Variants in CELSR1 observed in about 807,000 individuals in gnomAD.
CELSR1 encodes adhesion G protein-coupled receptor C1.
In CELSR1, 110 loss-of-function variants were observed where a neutral mutation model predicts 249.1. That is an observed-to-expected ratio of 0.44 (90% confidence interval 0.38 to 0.52). The LOEUF is 0.52. Among genes scored for constraint, CELSR1 ranks in the 20% least tolerant of loss-of-function variants. The pLI is 0.00. For synonymous variants in CELSR1, 2,113 were observed against 1,900.0 expected (o/e 1.11, Z -2.92); for missense variants, 4,109 against 4,296.4 (o/e 0.96, Z 1.22).
At chr22:46,467,176 A>C (rs1248263412) in intron 1 of CELSR1, among the ~76,000 whole-genome samples, 6 of 152,258 alleles carry the variant, frequency 3.9e-5, no homozygotes, top group Non-Finnish European at 8.8e-5. Context: ...GTAAGTTAAC[A>C]TAGTTTTGTC....
At chr22:46,416,100 T>TTCGCGG (rs148248242) in intron 5 of CELSR1, among the ~76,000 whole-genome samples, 3 of 129,660 alleles carry the variant, frequency 2.3e-5, no homozygotes, top group African/African-American at 3.0e-5. Context: ...TGGTACAGGT[T>TTCGCGG]GCAGAGGGGG....
At chr22:46,435,823 C>A (rs1281656141) in intron 4 of CELSR1, among the ~76,000 whole-genome samples, 1 of 152,196 alleles carries the variant, frequency 6.6e-6, no homozygotes. Flanking sequence ...GCCTCAGCCT[C>A]CTGAGTAGCG....
intron 25 of CELSR1, among the ~76,000 whole-genome samples, chr22:46,371,664 C>T (rs963383289): frequency 6.6e-6 from 1 of 151,600 alleles, no homozygotes; most frequent in African/African-American, 2.4e-5. Context: ...CTCATCTCTC[C>T]ATCCCTCCAA....
chr22:46,501,452 C>T lies in CELSR1; in HGVS notation c.3544+32175G>A, dbSNP rs1018129165. Among the ~76,000 whole-genome samples, 48 of 152,036 alleles carry T rather than the reference C, an allele frequency of 3.2e-4. 1 individual carries two copies. The highest frequency in any genetic ancestry group is 5.9e-5 in the Non-Finnish European group (4 of 68,012). ...AATTCCTGACCTCAGGTGATCCACC[C>T]GCCTCGACCTCCCAGAGTGCTGGTA... On this transcript the variant is annotated intron_variant, in intron 1 of 34. Coordinates refer to ENST00000674500, the MANE Select transcript of CELSR1 (RefSeq NM_001378328.1).
chr22:46,394,296 T>C, intron 13 of CELSR1, 34 bp from the exon 14 acceptor site: 1 of 1,598,200 alleles, frequency 6.3e-7, no homozygotes, highest in Non-Finnish European at 8.5e-7. Context: ...CTGGAAGGTT[T>C]ATGTAACTGT....
intron 1 of CELSR1, among the ~76,000 whole-genome samples, chr22:46,493,383 T>C (rs542297841): frequency 8.5e-4 from 129 of 151,900 alleles, no homozygotes; most frequent in African/African-American, 3.1e-3. Context: ...CCATCTCTAC[T>C]AAAAATACAA....
In CELSR1 at chr22:46,441,046, G is replaced by C. The variant is rs142108229; in HGVS notation, c.4184-1635C>G. Among the ~76,000 whole-genome samples, 1 of 151,836 alleles carries C rather than the reference G, an allele frequency of 6.6e-6. No individual in the cohort carries two copies. The highest frequency in any genetic ancestry group is 1.5e-5 in the Non-Finnish European group (1 of 67,988). On this transcript the variant is annotated intron_variant, in intron 2 of 34. Coordinates refer to ENST00000674500, the MANE Select transcript of CELSR1 (RefSeq NM_001378328.1). The surrounding 1 kb of genome is among the most constrained non-coding windows in gnomAD (Gnocchi z 6.1). ...CGGGTGCCTGTAATCCCATCTACTC[G>C]GGAGGCTGAGGCAGGAGAACTGCTT...
intron 20 of CELSR1, among the ~76,000 whole-genome samples, chr22:46,383,511 C>T (rs2079000885): frequency 6.6e-6 from 1 of 152,106 alleles, no homozygotes; most frequent in Admixed American, 6.6e-5. Flanking sequence ...TTCTAAAATG[C>T]CTATTTCTAT....
intron 1 of CELSR1, among the ~76,000 whole-genome samples, chr22:46,511,734 G>C (rs2080575934): frequency 6.6e-6 from 1 of 152,216 alleles, no homozygotes; most frequent in Non-Finnish European, 1.5e-5. Flanking sequence ...CAGTGGGGAA[G>C]GCAGGGAGAG....
rs41279819 is a variant in CELSR1 at position 46,464,532 on chromosome 22, C to T, written c.3545-187G>A. On this transcript the variant is annotated intron_variant, in intron 1 of 34. Transcript: ENST00000674500. The surrounding 1 kb of genome is among the most constrained non-coding windows in gnomAD (Gnocchi z 8.5). ...CTCCTTCAGCACCCTGGCCCCTGCC[C>T]CCCATGACCACCACCTTGACCCTCC... Among the ~76,000 whole-genome samples the T allele has an allele frequency of 4.0e-5, 6 of 150,854 alleles. No homozygotes were observed. Among genetic ancestry groups the T allele is most frequent in the Non-Finnish European group, 7.4e-5 (5 of 67,574 alleles).
chr22:46,365,462 C>T (rs2078758424), intron 31 of CELSR1, 82 bp from the exon 32 acceptor site: 1 of 1,574,000 alleles, frequency 6.4e-7, no homozygotes. Context: ...GCCACTGGGC[C>T]CCTGGCATGC....
chr22:46,458,693 C>T (rs1396865500), intron 2 of CELSR1, among the ~76,000 whole-genome samples: 1 of 152,184 alleles, frequency 6.6e-6, no homozygotes, highest in East Asian at 1.9e-4. Flanking sequence ...CTGTGAGACT[C>T]ACCTCTCACA....
At chr22:46,444,066 A>G (rs2079788166) in intron 2 of CELSR1, among the ~76,000 whole-genome samples, 2 of 152,220 alleles carry the variant, frequency 1.3e-5, no homozygotes, top group South Asian at 4.1e-4. Context: ...TGTCCCAGGT[A>G]GTAAGAACCC....
chr22:46,396,352 G>C lies in CELSR1; in HGVS notation c.5843+253C>G, dbSNP rs1390251129. 6.6e-6 allele frequency among the ~76,000 whole-genome samples: 1 copy of C among 152,054 alleles called. No individual in the cohort carries two copies. Among genetic ancestry groups the C allele is most frequent in the African/African-American group, 2.4e-5 (1 of 41,392 alleles). On this transcript the variant is annotated intron_variant, in intron 13 of 34. Transcript: ENST00000674500. This position sits in a 1 kb window ranked among gnomAD's most constrained non-coding sequence, Gnocchi z 6.4. ...GAGCCCAGGAGGCAGAGGTTGCAAG[G>C]AGCCAAGATCGCGCCATTGCACTCC...
At chr22:46,455,591 G>A (rs535528302) in intron 2 of CELSR1, among the ~76,000 whole-genome samples, 7 of 152,264 alleles carry the variant, frequency 4.6e-5, no homozygotes, top group African/African-American at 1.7e-4. Flanking sequence ...GTGAACCACT[G>A]CACTTGGCTT....
chr22:46,510,672 G>C lies in CELSR1; in HGVS notation c.3544+22955C>G, dbSNP rs922721168. The stretch of plus-strand genomic sequence containing the variant: ...GGAAAAGGCCCCTGGGCTTGGGTTT[G>C]GGGGTGTTTTCCTTTCTCCTTTATG... On this transcript the variant is annotated intron_variant, in intron 1 of 34. Coordinates refer to ENST00000674500, the MANE Select transcript of CELSR1 (RefSeq NM_001378328.1). 5.3e-5 allele frequency among the ~76,000 whole-genome samples: 8 copies of C among 152,300 alleles called. No homozygotes were observed. The South Asian group carries it at 1.0e-3, about 20-fold the overall frequency.
chr22:46,469,259 C>T (rs1427435464), intron 1 of CELSR1, among the ~76,000 whole-genome samples: 1 of 152,134 alleles, frequency 6.6e-6, no homozygotes, highest in East Asian at 1.9e-4. Flanking sequence ...CCTAATGGCA[C>T]CCAGCATAAA....
Position 46,433,556 on chromosome 22 carries a change from G to T in CELSR1, c.4523-75C>A. 8.6e-7 allele frequency: 1 copy of T among 1,162,276 alleles called. No homozygotes were observed. The highest frequency in any genetic ancestry group is 1.3e-6 in the Non-Finnish European group (1 of 794,020). 72.0% of individuals were successfully genotyped at this position (1,162,276 alleles called of 1,614,324 possible). ...TACTGGGGACCGAGGATTGCGCTGT[G>T]AGGCATCAGGGGGAGACAGGTGCAC... On this transcript the variant is annotated intron_variant, in intron 4 of 34. Transcript: ENST00000674500. This position sits in a 1 kb window ranked among gnomAD's most constrained non-coding sequence, Gnocchi z 5.7.
In CELSR1 at chr22:46,436,869, G is replaced by T. The variant is rs929250104; in HGVS notation, c.4407-580C>A. 2.0e-5 allele frequency among the ~76,000 whole-genome samples: 3 copies of T among 152,140 alleles called. No homozygotes were observed. The highest frequency in any genetic ancestry group is 7.2e-5 in the African/African-American group (3 of 41,422). On this transcript the variant is annotated intron_variant, in intron 3 of 34. Transcript: ENST00000674500. This position sits in a 1 kb window ranked among gnomAD's most constrained non-coding sequence, Gnocchi z 5.9. ...TGCAGATCACTCAGGGGTCAACCCA[G>T]CTGTACTTGCCCTGACTCATTGTAC...
Sources: allele counts gnomAD v4.1 joint callset (sites outside exome capture counted in the v4.1 genomes callset), GRCh38; gene constraint gnomAD v4.1.1; non-coding constraint Gnocchi (gnomAD v3.1); transcripts MANE v1.5; gene names NCBI Gene and HGNC (gene_info 2026-07-23, HGNC 2026-07-21).